CSTA: variants seen among roughly 807,000 people sequenced by gnomAD.
CSTA encodes cystatin-A.
CSTA carries 9 observed loss-of-function variants against 9.2 expected under a neutral mutation model. That is an observed-to-expected ratio of 0.97 (90% CI 0.59 to 1.70). The LOEUF (loss-of-function observed/expected upper bound fraction) is 1.70, where lower values mean the gene tolerates loss of function less well. CSTA is among the 40% of genes most tolerant of loss of function. The probability of loss-of-function intolerance (pLI) is 0.00; values close to 1 mark genes in which losing one functional copy is unlikely to be tolerated. For synonymous variants in CSTA, 36 were observed against 40.6 expected, an observed-to-expected ratio of 0.89 and a Z score of 0.43; for missense variants, 118 against 113.1, an observed-to-expected ratio of 1.04 and a Z score of -0.20.
intron 1 of CSTA, among the ~76,000 whole-genome samples, chr3:122,332,094 G>C (rs561225261): frequency 1.3e-3 from 194 of 152,316 alleles, no homozygotes; most frequent in Admixed American, 2.7e-3. Flanking sequence ...CTCCCCTCCT[G>C]CTGTGCAGCC....
chr3:122,327,146 G>C (rs1270903837), intron 1 of CSTA, among the ~76,000 whole-genome samples: 1 of 152,038 alleles, frequency 6.6e-6, no homozygotes, highest in Non-Finnish European at 1.5e-5. Context: ...GCTGAGGCAG[G>C]AGAATTACTT....
At chr3:122,327,430 G>A (rs1288557552) in intron 1 of CSTA, among the ~76,000 whole-genome samples, 1 of 150,720 alleles carries the variant, frequency 6.6e-6, no homozygotes, top group Non-Finnish European at 1.5e-5. Flanking sequence ...TCGGGAGGCT[G>A]AGGCAGGAGA....
chr3:122,334,336 G>A (rs979122370), intron 1 of CSTA, among the ~76,000 whole-genome samples: 4 of 152,072 alleles, frequency 2.6e-5, no homozygotes, highest in African/African-American at 9.7e-5. Context: ...AACAGTTCTG[G>A]TACTCAAACT....
chr3:122,325,358 G>T lies in CSTA; in HGVS notation c.66G>T (p.Lys22Asn), dbSNP rs1158845386. ...ATPEIQEIVD[K>N]VKPQLEEKTN... ...CAGAAATCCAGGAGATTGTTGATAA[G>T]GTGAGTTGATGCCATTCAGGAAAAA... is the stretch of plus-strand genomic sequence containing the variant. Residue 22 changes from lysine to asparagine, a missense_variant and splice_region_variant, in exon 1 of 3, where the codon AAG (lysine) becomes AAT (asparagine). By Grantham distance (94) the Lys-to-Asn change is moderately conservative. Coordinates refer to ENST00000264474, the MANE Select transcript of CSTA (RefSeq NM_005213.4). The T allele has an allele frequency of 1.3e-5, 21 of 1,614,016 alleles. No homozygotes were observed. Among genetic ancestry groups the T allele is most frequent in the Non-Finnish European group, 1.8e-5 (21 of 1,179,998 alleles).
intron 1 of CSTA, among the ~76,000 whole-genome samples, chr3:122,333,684 AAG>A (rs1378613138): frequency 1.7e-5 from 2 of 117,436 alleles, no homozygotes. Context: ...AGAAAGAAGA[AAG>A]AAAGAGAGAG....
chr3:122,328,593 C>T (rs1024578025), intron 1 of CSTA, among the ~76,000 whole-genome samples: 1 of 150,310 alleles, frequency 6.7e-6, no homozygotes, highest in Non-Finnish European at 1.5e-5. Flanking sequence ...AGTGGCAGAA[C>T]ACAGAGGAGC....
chr3:122,328,604 T>C (rs775405135), intron 1 of CSTA, among the ~76,000 whole-genome samples: 6 of 151,740 alleles, frequency 4.0e-5, no homozygotes, highest in Admixed American at 1.3e-4. Context: ...ACAGAGGAGC[T>C]TTGTTAGGAA....
chr3:122,333,527 G>GA (rs2075216034), intron 1 of CSTA, among the ~76,000 whole-genome samples: 2 of 115,362 alleles, frequency 1.7e-5, no homozygotes. Flanking sequence ...AGAGAAGAAA[G>GA]AAAGAAAAGA....
chr3:122,328,111 C>T (rs538636104), intron 1 of CSTA, among the ~76,000 whole-genome samples: 1 of 152,172 alleles, frequency 6.6e-6, no homozygotes. Flanking sequence ...GACCTCCATT[C>T]GAGCTCTGAT....
At chr3:122,333,183 TAA>T (rs2107666647) in intron 1 of CSTA, among the ~76,000 whole-genome samples, 1 of 152,306 alleles carries the variant, frequency 6.6e-6, no homozygotes, top group African/African-American at 2.4e-5. Flanking sequence ...ATGGAAAAGT[TAA>T]AGATTTGGAT....
At position 122,333,336 on chromosome 3, in the gene CSTA, C is replaced by T. The variant is rs187293765; in HGVS notation, c.67-4211C>T. On this transcript the variant is annotated intron_variant, in intron 1 of 2. Coordinates refer to ENST00000264474, the MANE Select transcript of CSTA (RefSeq NM_005213.4). ...GACCAGCCTGGCAAACATGGTGAAA[C>T]TCCATCTCTCCAAAAATATAAAAAA... Among the ~76,000 whole-genome samples, 555 of 152,178 alleles carry T rather than the reference C, an allele frequency of 3.6e-3. 3 individuals carry two copies. The highest frequency in any genetic ancestry group is 9.0e-3 in the Admixed American group (138 of 15,276).
intron 1 of CSTA, among the ~76,000 whole-genome samples, chr3:122,331,545 T>C (rs2075204941): frequency 6.6e-6 from 1 of 152,098 alleles, no homozygotes; most frequent in Non-Finnish European, 1.5e-5. Flanking sequence ...ACATTCTAAT[T>C]CTCAATTAAA....
At chr3:122,340,075 G>A (rs373336357) in intron 2 of CSTA, among the ~76,000 whole-genome samples, 213 of 152,288 alleles carry the variant, frequency 1.4e-3, no homozygotes, top group African/African-American at 4.9e-3. Flanking sequence ...GTTCATCATA[G>A]TGTCTGGCTC....
chr3:122,329,741 A>G (rs2075193168), intron 1 of CSTA, among the ~76,000 whole-genome samples: 7 of 152,212 alleles, frequency 4.6e-5, no homozygotes, highest in Admixed American at 4.6e-4. Context: ...AGTTGGGAAA[A>G]TCGAGATATC....
chr3:122,330,262 T>A (rs1376352137), intron 1 of CSTA, among the ~76,000 whole-genome samples: 1 of 152,240 alleles, frequency 6.6e-6, no homozygotes, highest in Non-Finnish European at 1.5e-5. Context: ...TAAAATCACC[T>A]GTTAAAGTGG....
chr3:122,325,747 T>A (rs560314828), intron 1 of CSTA, among the ~76,000 whole-genome samples: 1 of 152,310 alleles, frequency 6.6e-6, no homozygotes, highest in Non-Finnish European at 1.5e-5. Flanking sequence ...TTTGATGAAG[T>A]AGTCTTGGAA....
intron 1 of CSTA, among the ~76,000 whole-genome samples, chr3:122,333,364 A>G (rs1336919906): frequency 1.3e-5 from 2 of 152,070 alleles, no homozygotes; most frequent in East Asian, 3.9e-4. Flanking sequence ...ATAAAAAATT[A>G]GCTGGGAGTG....
intron 1 of CSTA, 47 bp downstream of exon 1, chr3:122,325,405 C>G: frequency 6.4e-7 from 1 of 1,563,244 alleles, no homozygotes; most frequent in Non-Finnish European, 8.8e-7. Context: ...AATCTTGATT[C>G]ATAAGTTGTC....
intron 1 of CSTA, among the ~76,000 whole-genome samples, chr3:122,332,003 T>C (rs1268358091): frequency 6.6e-6 from 1 of 152,118 alleles, no homozygotes; most frequent in Non-Finnish European, 1.5e-5. Flanking sequence ...CACAATAGGG[T>C]TCCCACTCCT....
Sources: gnomAD v4.1 joint callset for allele counts (sites outside exome capture counted in the v4.1 genomes callset) on GRCh38, gnomAD v4.1.1 for gene constraint, MANE v1.5 for transcripts, NCBI Gene and HGNC (gene_info 2026-07-23, HGNC 2026-07-21) for gene names.